Variants in THSD7A observed in about 807,000 individuals in gnomAD.
The protein encoded by THSD7A is thrombospondin type 1 domain containing 7A.
A neutral mutation model predicts 231.3 loss-of-function variants in THSD7A; 96 were observed. The observed-to-expected ratio is 0.41, with a 90% confidence interval of 0.35 to 0.49. The LOEUF (loss-of-function observed/expected upper bound fraction) is 0.49, where lower values mean the gene tolerates loss of function less well. Ranked by LOEUF, THSD7A falls within the 20% of genes least tolerant of loss-of-function variation. The pLI, the probability that THSD7A is intolerant of heterozygous loss-of-function variation, is 0.05. For synonymous variants in THSD7A, 940 were observed against 743.3 expected (o/e 1.26, Z -4.30); for missense variants, 2,290 against 2,070.2 (o/e 1.11, Z -2.06).
At chr7:11,460,855 C>A in intron 10 of THSD7A, 90 bp from the exon 11 acceptor site, 1 of 930,100 alleles carries the variant, frequency 1.1e-6, no homozygotes, top group South Asian at 1.5e-5. Flanking sequence ...TGACTTTGAC[C>A]ACTGCAAACA....
At chr7:11,441,214 G>T (rs766415117) in intron 13 of THSD7A, among the ~76,000 whole-genome samples, 5 of 151,952 alleles carry the variant, frequency 3.3e-5, no homozygotes, top group Non-Finnish European at 5.9e-5. Context: ...ATTCTTGAAT[G>T]GGAGATAAAG....
intron 1 of THSD7A, among the ~76,000 whole-genome samples, chr7:11,815,277 G>T (rs1784650397): frequency 1.3e-5 from 2 of 151,552 alleles, no homozygotes; most frequent in South Asian, 4.2e-4. Flanking sequence ...GTTGAACCTT[G>T]TCTCTGATTG....
chr7:11,651,486 ACTAT>A (rs3031459), intron 1 of THSD7A, among the ~76,000 whole-genome samples: 8,703 of 149,728 alleles, frequency 0.058, 283 homozygotes, highest in African/African-American at 0.091. Context: ...CTATCTATCA[ACTAT>A]CTATCTATCT....
At chr7:11,419,849 C>T (rs1160154437) in intron 16 of THSD7A, among the ~76,000 whole-genome samples, 2 of 152,194 alleles carry the variant, frequency 1.3e-5, no homozygotes, top group Non-Finnish European at 2.9e-5. Flanking sequence ...GTAAAGCCCA[C>T]TTTTGCTATA....
chr7:11,797,762 C>T (rs1271101194), intron 1 of THSD7A, among the ~76,000 whole-genome samples: 1 of 152,056 alleles, frequency 6.6e-6, no homozygotes, highest in African/African-American at 2.4e-5. Flanking sequence ...GAATTTCATA[C>T]TCATTAGCAT....
At position 11,372,724 on chromosome 7, in the gene THSD7A, G is replaced by A. The variant is rs1562553970; in HGVS notation, c.*3070C>T. ...GCAGTTCTACATCTTTTACCCCCTC[G>A]GTGAGGTAAAAGTGTCAATAGAGAA... On this transcript the variant is annotated 3_prime_UTR_variant, in exon 28 of 28. Coordinates refer to ENST00000423059, the MANE Select transcript of THSD7A (RefSeq NM_015204.3). 6.6e-6 allele frequency: 1 copy of A among 151,670 alleles called. No homozygotes were observed. The highest frequency in any genetic ancestry group is 1.9e-4 in the East Asian group (1 of 5,192). The allele number at this position is 151,670 out of a possible 1,614,324, so 9.4% of individuals were successfully genotyped here. A position where few individuals can be genotyped will look rare whatever the true frequency, so the allele number is the denominator to read the frequency against.
chr7:11,820,866 G>C (rs1377224475), intron 1 of THSD7A: 6 of 922,684 alleles, frequency 6.5e-6, no homozygotes, highest in Non-Finnish European at 1.1e-5. Context: ...TTTCTCAGCT[G>C]ACCTTTCCCT....
chr7:11,609,761 A>G (rs2128348326), intron 2 of THSD7A, among the ~76,000 whole-genome samples: 1 of 152,294 alleles, frequency 6.6e-6, no homozygotes, highest in East Asian at 1.9e-4. Context: ...CAATCTGTTT[A>G]AAAACATATT....
intron 6 of THSD7A, among the ~76,000 whole-genome samples, chr7:11,538,769 G>A (rs1444559498): frequency 1.3e-5 from 2 of 151,942 alleles, no homozygotes; most frequent in African/African-American, 4.8e-5. Context: ...TTTCTTCTCT[G>A]ACAGAGAAGC....
intron 1 of THSD7A, among the ~76,000 whole-genome samples, chr7:11,705,327 C>T (rs1209068684): frequency 1.3e-5 from 2 of 150,902 alleles, no homozygotes; most frequent in African/African-American, 2.4e-5. Flanking sequence ...ATATAATATA[C>T]AAAACTCAAA....
At chr7:11,460,856 A>G (rs1785480953) in intron 10 of THSD7A, 91 bp from the exon 11 acceptor site, 1 of 930,798 alleles carries the variant, frequency 1.1e-6, no homozygotes, top group East Asian at 2.7e-5. Context: ...GACTTTGACC[A>G]CTGCAAACAC....
At chr7:11,767,179 T>A (rs1405326) in intron 1 of THSD7A, among the ~76,000 whole-genome samples, 98,994 of 152,008 alleles carry the variant, frequency 0.65, 32,668 homozygotes, top group African/African-American at 0.76. Context: ...TGTACATTCA[T>A]TGTTTTTTGG....
intron 1 of THSD7A, among the ~76,000 whole-genome samples, chr7:11,669,467 G>A (rs1036258402): frequency 1.3e-5 from 2 of 151,870 alleles, no homozygotes; most frequent in African/African-American, 2.4e-5. Flanking sequence ...CAGATACTCT[G>A]CAGGGTGAAG....
chr7:11,727,083 G>T (rs1188781374), intron 1 of THSD7A, among the ~76,000 whole-genome samples: 3 of 151,962 alleles, frequency 2.0e-5, no homozygotes, highest in Non-Finnish European at 4.4e-5. Context: ...CCCTGGTGCT[G>T]ATATTATTTT....
At chr7:11,573,112 T>C (rs993254630) in intron 4 of THSD7A, among the ~76,000 whole-genome samples, 6 of 152,188 alleles carry the variant, frequency 3.9e-5, no homozygotes, top group South Asian at 4.1e-4. Flanking sequence ...GACCATAGTC[T>C]TTCTGAGACC....
At position 11,474,486 on chromosome 7, in the gene THSD7A, T is replaced by C. The variant is rs187396019; in HGVS notation, c.2100A>G (p.Gln700=). 6.2e-7 allele frequency: 1 copy of C among 1,613,548 alleles called. No homozygotes were observed. The highest frequency in any genetic ancestry group is 8.5e-7 in the Non-Finnish European group (1 of 1,179,612). The part of the protein sequence containing the change: ...NEHPCTVYHW[Q]TGPWGQCIED... ...CAATGCACTGGCCCCAGGGACCAGT[T>C]TGCCAGTGGTACACTGTGCAAGGAT... is the stretch of plus-strand genomic sequence containing the variant. The change falls in exon 8 of 28, where the codon CAA becomes CAG. Residue 700 remains glutamine (Q), a synonymous_variant. Transcript: ENST00000423059. This position sits in a 1 kb window ranked among gnomAD's most constrained non-coding sequence, Gnocchi z 4.1.
At chr7:11,379,462 G>T (rs945265522) in intron 25 of THSD7A, 168 bp downstream of exon 25, 43 of 852,812 alleles carry the variant, frequency 5.0e-5, no homozygotes, top group Non-Finnish European at 7.2e-5. Flanking sequence ...TATTCTAAAG[G>T]TGAAAGCAAG....
intron 1 of THSD7A, among the ~76,000 whole-genome samples, chr7:11,652,699 A>G (rs1443922230): frequency 6.6e-6 from 1 of 152,008 alleles, no homozygotes; most frequent in Non-Finnish European, 1.5e-5. Context: ...ATACTTTTAA[A>G]ATAAAAATGG....
intron 1 of THSD7A, among the ~76,000 whole-genome samples, chr7:11,813,816 A>G (rs1192157060): frequency 1.3e-5 from 2 of 151,994 alleles, no homozygotes; most frequent in East Asian, 3.9e-4. Context: ...AGATCCAGCA[A>G]TGTAACTCCT....
Sources: gnomAD v4.1 joint callset for allele counts (sites outside exome capture counted in the v4.1 genomes callset) on GRCh38, gnomAD v4.1.1 for gene constraint, Gnocchi (gnomAD v3.1) non-coding constraint, MANE v1.5 for transcripts, NCBI Gene and HGNC (gene_info 2026-07-23, HGNC 2026-07-21) for gene names.